AKAP19: variants seen among roughly 807,000 people sequenced by gnomAD.
AKAP19 encodes small A-kinase anchoring protein.
the AKAP19 span, among the ~76,000 whole-genome samples, chr2:189,984,083 G>A: frequency 6.6e-6 from 1 of 152,156 alleles, no homozygotes; most frequent in East Asian, 1.9e-4. Flanking sequence ...CAGGACGGAG[G>A]CAAAATTAAA....
the AKAP19 span, among the ~76,000 whole-genome samples, chr2:189,927,636 A>G: frequency 6.6e-6 from 1 of 152,202 alleles, no homozygotes; most frequent in African/African-American, 2.4e-5. Context: ...AGTTGTACAC[A>G]TGATGCTCCT....
At chr2:190,160,336 A>G in the AKAP19 span, among the ~76,000 whole-genome samples, 1 of 113,308 alleles carries the variant, frequency 8.8e-6, no homozygotes, top group Non-Finnish European at 2.1e-5. Flanking sequence ...GCTTAGAATA[A>G]GATTTTTTTT....
At chr2:189,983,995 G>T in the AKAP19 span, among the ~76,000 whole-genome samples, 2 of 152,030 alleles carry the variant, frequency 1.3e-5, no homozygotes, top group African/African-American at 4.8e-5. Flanking sequence ...GAATAGGTGT[G>T]GGTGACAGAC....
the AKAP19 span, among the ~76,000 whole-genome samples, chr2:190,012,631 A>G: frequency 6.6e-6 from 1 of 152,220 alleles, no homozygotes; most frequent in Admixed American, 6.5e-5. Flanking sequence ...CTCTGGTAAG[A>G]ACTTTCAGTA....
the AKAP19 span, among the ~76,000 whole-genome samples, chr2:190,038,967 CTTCTTT>C: frequency 1.4e-5 from 2 of 143,720 alleles, no homozygotes. Flanking sequence ...TCTTCTTCTT[CTTCTTT>C]CTTCTTCTTC....
At chr2:190,048,541 G>A in the AKAP19 span, among the ~76,000 whole-genome samples, 1 of 152,070 alleles carries the variant, frequency 6.6e-6, no homozygotes, top group Non-Finnish European at 1.5e-5. Flanking sequence ...AAACCTGCTA[G>A]TACCCATTAA....
At chr2:189,923,992 G>A in the AKAP19 span, 1 of 1,598,390 alleles carries the variant, frequency 6.3e-7, no homozygotes, top group Non-Finnish European at 8.6e-7. Context: ...ACAATGTTAA[G>A]TCAGAAGAGG....
chr2:190,032,393 C>T, the AKAP19 span, among the ~76,000 whole-genome samples: 1 of 152,122 alleles, frequency 6.6e-6, no homozygotes, highest in Non-Finnish European at 1.5e-5. Context: ...GACTGAAAAT[C>T]ATTATGACCT....
the AKAP19 span, among the ~76,000 whole-genome samples, chr2:189,900,936 A>G: frequency 6.6e-6 from 1 of 152,188 alleles, no homozygotes; most frequent in Non-Finnish European, 1.5e-5. Flanking sequence ...CCAAGGTTGC[A>G]GTGAGCTAAC....
chr2:190,199,983 A>C, the AKAP19 span: 4 of 1,614,172 alleles, frequency 2.5e-6, no homozygotes, highest in Non-Finnish European at 3.4e-6. Flanking sequence ...TGGCTTCTCC[A>C]GTTAATGTCA....
the AKAP19 span, among the ~76,000 whole-genome samples, chr2:190,119,382 A>G: frequency 2.6e-5 from 4 of 152,078 alleles, no homozygotes; most frequent in Non-Finnish European, 4.4e-5. Context: ...GGCTCAGGGG[A>G]TTGGTTTGAC....
the AKAP19 span, among the ~76,000 whole-genome samples, chr2:189,903,434 G>A: frequency 6.6e-6 from 1 of 151,854 alleles, no homozygotes; most frequent in Non-Finnish European, 1.5e-5. Flanking sequence ...AGGTCTTGAG[G>A]ATTAAATTTT....
chr2:189,954,084 G>A, the AKAP19 span, among the ~76,000 whole-genome samples: 3 of 152,176 alleles, frequency 2.0e-5, no homozygotes, highest in Admixed American at 6.5e-5. Context: ...TCAGTGGGAA[G>A]GCAAGAGAAG....
At chr2:189,880,129 C>G in the AKAP19 span, among the ~76,000 whole-genome samples, 1 of 152,190 alleles carries the variant, frequency 6.6e-6, no homozygotes, top group African/African-American at 2.4e-5. Context: ...TGCAACCCAA[C>G]CCAGCACAGC....
chr2:190,025,820 A>G, the AKAP19 span, among the ~76,000 whole-genome samples: 1 of 152,196 alleles, frequency 6.6e-6, no homozygotes, highest in South Asian at 2.1e-4. Context: ...TAGTCCCTAT[A>G]GCTTTACCTT....
At chr2:190,186,045 A>G in the AKAP19 span, among the ~76,000 whole-genome samples, 1 of 152,122 alleles carries the variant, frequency 6.6e-6, no homozygotes, top group Non-Finnish European at 1.5e-5. This position sits in a 1 kb window ranked among gnomAD's most constrained non-coding sequence, Gnocchi z 5.5. Context: ...TCTGCCTCCC[A>G]GGTTCAAACG....
the AKAP19 span, among the ~76,000 whole-genome samples, chr2:189,980,718 A>C: frequency 4.4e-3 from 670 of 152,332 alleles, 7 homozygotes; most frequent in African/African-American, 0.015. Flanking sequence ...TACTGAATCC[A>C]TTTATAAGTT....
chr2:190,106,761 G>T, the AKAP19 span, among the ~76,000 whole-genome samples: 12 of 152,074 alleles, frequency 7.9e-5, no homozygotes, highest in Admixed American at 3.3e-4. Context: ...TATATTATTT[G>T]TCTGTGTCTA....
the AKAP19 span, among the ~76,000 whole-genome samples, chr2:189,977,833 A>C: frequency 6.6e-6 from 1 of 152,224 alleles, no homozygotes; most frequent in Non-Finnish European, 1.5e-5. Flanking sequence ...CTTGACTTAC[A>C]ATGATTTGAA....
Sources: gnomAD v4.1 joint callset for allele counts (sites outside exome capture counted in the v4.1 genomes callset) on GRCh38, gnomAD v4.1.1 for gene constraint, Gnocchi (gnomAD v3.1) non-coding constraint, MANE v1.5 for transcripts, NCBI Gene and HGNC (gene_info 2026-07-23, HGNC 2026-07-21) for gene names.